Variants in PIEZO2 observed in about 807,000 individuals in gnomAD.
PIEZO2 encodes piezo type mechanosensitive ion channel component 2.
In PIEZO2, 172 loss-of-function variants were observed where a neutral mutation model predicts 337.3. The ratio of observed to expected loss-of-function variants is 0.51; its 90% CI spans 0.45 to 0.58. The LOEUF (loss-of-function observed/expected upper bound fraction) is 0.58. Ranked by LOEUF, PIEZO2 falls within the 20% of genes least tolerant of loss-of-function variation. The pLI is 0.00. For synonymous variants in PIEZO2, 1,251 were observed against 1,228.5 expected (o/e 1.02, Z -0.38); for missense variants, 3,028 against 3,391.3 (o/e 0.89, Z 2.66).
At position 10,814,266 on chromosome 18, in the gene PIEZO2, G is replaced by A. The variant is rs368222859; in HGVS notation, c.918-6992C>T. Among the ~76,000 whole-genome samples, 6 of 152,146 alleles carry A rather than the reference G, an allele frequency of 3.9e-5. No homozygotes were observed. The East Asian group carries it at 5.8e-4, about 15-fold the overall frequency. On this transcript the variant is annotated intron_variant, in intron 7 of 55. Transcript: ENST00000674853. Reference sequence around the variant, plus strand: ...TTACAGGCATGAGCCACCGTGCCCCGTCCCATACTTTTAATTTAAACTTCT... The same window carrying A: ...TTACAGGCATGAGCCACCGTGCCCCATCCCATACTTTTAATTTAAACTTCT...
Position 10,704,628 on chromosome 18 carries a change from T to C in PIEZO2, c.6024A>G (p.Glu2008=). ...GCCCCACGTAGAATTTCTCTGACTC[T>C]TCAAGCTCATCGTCGTGAAACATCC... ...LKKMFHDDEL[E]ESEKFYVGQP... is the part of the protein sequence containing the mutation. The change falls in exon 42 of 56, where the codon GAA becomes GAG. Residue 2008 remains glutamate (E), a synonymous_variant. Transcript: ENST00000674853. 1 of 1,536,914 alleles carries C rather than the reference T, an allele frequency of 6.5e-7. No homozygotes were observed. Among genetic ancestry groups the C allele is most frequent in the Non-Finnish European group, 8.7e-7 (1 of 1,146,586 alleles).
intron 7 of PIEZO2, among the ~76,000 whole-genome samples, chr18:10,822,938 T>C (rs188947742): frequency 1.5e-3 from 223 of 152,340 alleles, no homozygotes; most frequent in African/African-American, 5.1e-3. Context: ...CTCAGCTAGA[T>C]TGAAGTCTGT....
intron 17 of PIEZO2, among the ~76,000 whole-genome samples, chr18:10,782,258 ATT>A: frequency 1.0e-5 from 1 of 100,262 alleles, no homozygotes; most frequent in African/African-American, 3.8e-5. Flanking sequence ...GATATATTAT[ATT>A]ATTATATGTA....
rs545522741 is a variant in PIEZO2, at chr18:10,824,959, G to A, written c.918-17685C>T. Among the ~76,000 whole-genome samples the A allele has an allele frequency of 6.6e-6, 1 of 152,200 alleles. No homozygotes were observed. Among genetic ancestry groups the A allele is most frequent in the African/African-American group, 2.4e-5 (1 of 41,528 alleles). Reference sequence around the variant, plus strand: ...GCTCACTGCAACCTCCACTTCCTGGGTCCAAGTGATTCTCCTGCCTCAGCC... The same window carrying A: ...GCTCACTGCAACCTCCACTTCCTGGATCCAAGTGATTCTCCTGCCTCAGCC... On this transcript the variant is annotated intron_variant, in intron 7 of 55. Transcript: ENST00000674853. This position sits in a 1 kb window ranked among gnomAD's most constrained non-coding sequence, Gnocchi z 4.4.
At chr18:11,029,479 A>T (rs1203738773) in intron 2 of PIEZO2, among the ~76,000 whole-genome samples, 3 of 152,134 alleles carry the variant, frequency 2.0e-5, no homozygotes, top group Admixed American at 6.5e-5. Flanking sequence ...CAGACCCCTT[A>T]GGCGGCTCCC....
In PIEZO2 at chr18:10,859,311, C is replaced by T. The variant is rs977031657; in HGVS notation, c.493-2100G>A. 6.6e-6 allele frequency among the ~76,000 whole-genome samples: 1 copy of T among 152,198 alleles called. No individual in the cohort carries two copies. Among genetic ancestry groups the T allele is most frequent in the Non-Finnish European group, 1.5e-5 (1 of 68,040 alleles). ...TGGCCACTTCCGCTCCCCTAGAGAA[C>T]AATTCCCATCTCATTCTCAGAGGAT... On this transcript the variant is annotated intron_variant, in intron 5 of 55. Transcript: ENST00000674853. The surrounding 1 kb of genome is among the most constrained non-coding windows in gnomAD (Gnocchi z 4.9).
Position 10,854,024 on chromosome 18 carries a change from C to T in PIEZO2, c.917+1329G>A, listed in dbSNP as rs1185692152. Among the ~76,000 whole-genome samples, 2 of 152,198 alleles carry T rather than the reference C, an allele frequency of 1.3e-5. No homozygotes were observed. Among genetic ancestry groups the T allele is most frequent in the East Asian group, 3.8e-4 (2 of 5,196 alleles). On this transcript the variant is annotated intron_variant, in intron 7 of 55. Coordinates refer to ENST00000674853, the MANE Select transcript of PIEZO2 (RefSeq NM_001378183.1). The surrounding 1 kb of genome is among the most constrained non-coding windows in gnomAD (Gnocchi z 4.6). ...ATCTACTGTGCTCCTCTGAACTAGA[C>T]AGTTGCTGCCTCCACTCTCTATGCA... is the stretch of plus-strand genomic sequence containing the variant.
chr18:11,110,828 T>C lies in PIEZO2; in HGVS notation c.64+37697A>G, dbSNP rs557625861. On this transcript the variant is annotated intron_variant, in intron 1 of 55. Transcript: ENST00000674853. This position sits in a 1 kb window ranked among gnomAD's most constrained non-coding sequence, Gnocchi z 4.2. ...TATTGACCAGCACAGTGTTTTAAAC[T>C]TGAAGTATAGGATCAGGCTGGATTG... Among the ~76,000 whole-genome samples, 1 of 151,936 alleles carries C rather than the reference T, an allele frequency of 6.6e-6. No individual in the cohort carries two copies. The highest frequency in any genetic ancestry group is 6.6e-5 in the Admixed American group (1 of 15,266).
chr18:10,741,137 A>G (rs1176673852), intron 32 of PIEZO2, 35 bp from the exon 33 acceptor site: 2 of 1,497,608 alleles, frequency 1.3e-6, no homozygotes, highest in African/African-American at 2.8e-5. Flanking sequence ...TAATTCGTAT[A>G]AAGTGAGAAA....
rs1012181508 is a variant in PIEZO2 at position 11,094,313 on chromosome 18, G to A, written c.65-28091C>T. 1.3e-5 allele frequency among the ~76,000 whole-genome samples: 2 copies of A among 152,132 alleles called. No individual in the cohort carries two copies. Among genetic ancestry groups the A allele is most frequent in the African/African-American group, 4.8e-5 (2 of 41,410 alleles). Reference sequence around the variant, plus strand: ...TTATCATTGAAATTTTACAAATGGGGAAGCTGAGGCGAAGTGATTTTCTCA... The same window carrying A: ...TTATCATTGAAATTTTACAAATGGGAAAGCTGAGGCGAAGTGATTTTCTCA... On this transcript the variant is annotated intron_variant, in intron 1 of 55. Coordinates refer to ENST00000674853, the MANE Select transcript of PIEZO2 (RefSeq NM_001378183.1). The surrounding 1 kb of genome is among the most constrained non-coding windows in gnomAD (Gnocchi z 4.4).
In PIEZO2 at chr18:10,850,572, C is replaced by T. The variant is rs755233939; in HGVS notation, c.917+4781G>A. Among the ~76,000 whole-genome samples the T allele has an allele frequency of 1.3e-5, 2 of 152,150 alleles. No individual in the cohort carries two copies. Among genetic ancestry groups the T allele is most frequent in the Non-Finnish European group, 1.5e-5 (1 of 68,028 alleles). On this transcript the variant is annotated intron_variant, in intron 7 of 55. Coordinates refer to ENST00000674853, the MANE Select transcript of PIEZO2 (RefSeq NM_001378183.1). The surrounding 1 kb of genome is among the most constrained non-coding windows in gnomAD (Gnocchi z 4.5). ...GAGAACAAAAATGAGAAATCATCTA[C>T]GTGGTTAAAACTCAGGGGTTGACTA... is the stretch of plus-strand genomic sequence containing the variant.
rs952662044 is a variant in PIEZO2, at chr18:10,673,094, C to T, written c.8162-221G>A. On this transcript the variant is annotated intron_variant, in intron 54 of 55. Coordinates refer to ENST00000674853, the MANE Select transcript of PIEZO2 (RefSeq NM_001378183.1). This position sits in a 1 kb window ranked among gnomAD's most constrained non-coding sequence, Gnocchi z 4.8. ...CAGTGAGAGAGGTCAGCCGCTGTTG[C>T]TACATGGGCATGGCAGCAAAACCAC... Among the ~76,000 whole-genome samples the T allele has an allele frequency of 1.3e-5, 2 of 152,152 alleles. No individual in the cohort carries two copies. The highest frequency in any genetic ancestry group is 4.8e-5 in the African/African-American group (2 of 41,430).
chr18:10,784,905 T>C lies in PIEZO2; in HGVS notation c.2371A>G (p.Ile791Val), dbSNP rs1009280756. The stretch of plus-strand genomic sequence containing the variant: ...AGCAGAAAGGAGGTTGGGATGAATA[T>C]GCGAGTGAATAGTTCAGCCACAGTA... ...QFTVAELFTRIFIPTSFLLVC... is the reference protein window; with the variant it reads ...QFTVAELFTRVFIPTSFLLVC... Residue 791 changes from isoleucine (I) to valine (V), a missense_variant, in exon 17 of 56, where the codon ATA (isoleucine) becomes GTA (valine). Transcript: ENST00000674853. The surrounding 1 kb of genome is among the most constrained non-coding windows in gnomAD (Gnocchi z 4.5). The C allele has an allele frequency of 2.6e-6, 4 of 1,537,310 alleles. No homozygotes were observed. Among genetic ancestry groups the C allele is most frequent in the Middle Eastern group, 1.7e-4 (1 of 6,012 alleles).
chr18:10,888,835 C>T lies in PIEZO2; in HGVS notation c.330-17420G>A, dbSNP rs951617005. 3.3e-5 allele frequency among the ~76,000 whole-genome samples: 5 copies of T among 152,002 alleles called. No individual in the cohort carries two copies. The South Asian group carries it at 8.3e-4, about 25-fold the overall frequency. ...CACATCCAGCTGTCACTTCTGCAAC[C>T]CCCGAGACAGAGCCACTTTCTCATA... On this transcript the variant is annotated intron_variant, in intron 4 of 55. Coordinates refer to ENST00000674853, the MANE Select transcript of PIEZO2 (RefSeq NM_001378183.1). The surrounding 1 kb of genome is among the most constrained non-coding windows in gnomAD (Gnocchi z 4.1).
chr18:10,821,682 C>T lies in PIEZO2; in HGVS notation c.918-14408G>A, dbSNP rs983902785. ...AGTCAAGTATCACCCCCACCCACCA[C>T]CACCTTTTTCATCAAAGATTCTACC... On this transcript the variant is annotated intron_variant, in intron 7 of 55. Transcript: ENST00000674853. The surrounding 1 kb of genome is among the most constrained non-coding windows in gnomAD (Gnocchi z 4.2). Among the ~76,000 whole-genome samples the T allele has an allele frequency of 6.6e-6, 1 of 152,140 alleles. No individual in the cohort carries two copies. The highest frequency in any genetic ancestry group is 2.1e-4 in the South Asian group (1 of 4,828).
intron 2 of PIEZO2, among the ~76,000 whole-genome samples, chr18:11,044,996 T>A (rs565440386): frequency 8.6e-5 from 13 of 151,942 alleles, no homozygotes; most frequent in South Asian, 6.2e-4. Flanking sequence ...AAATTTTTTT[T>A]AAAAGAAAAC....
chr18:10,979,147 TATA>T lies in PIEZO2; in HGVS notation c.286+385_286+387del, dbSNP rs2034564833. 1.3e-5 allele frequency among the ~76,000 whole-genome samples: 2 copies of T among 152,100 alleles called. No homozygotes were observed. Among genetic ancestry groups the T allele is most frequent in the African/African-American group, 4.8e-5 (2 of 41,450 alleles). On this transcript the variant is annotated intron_variant, in intron 3 of 55. Transcript: ENST00000674853. This position sits in a 1 kb window ranked among gnomAD's most constrained non-coding sequence, Gnocchi z 4.0. ...TTAATGTCATAGTCATGTAATTTCATATAATATTATTCAACTTTTATATTCTAT... is the reference window on the plus strand; with the variant it reads ...TTAATGTCATAGTCATGTAATTTCATATATTATTCAACTTTTATATTCTAT...
chr18:10,982,607 T>C lies in PIEZO2; in HGVS notation c.161-2947A>G, dbSNP rs990750155. Among the ~76,000 whole-genome samples the C allele has an allele frequency of 1.3e-5, 2 of 152,236 alleles. No homozygotes were observed. Among genetic ancestry groups the C allele is most frequent in the African/African-American group, 4.8e-5 (2 of 41,468 alleles). Reference sequence around the variant, plus strand: ...TCAACAAACATTTTAAAAATACATTTGGAAAAATAAGACTGAATTGCCATG... The same window carrying C: ...TCAACAAACATTTTAAAAATACATTCGGAAAAATAAGACTGAATTGCCATG... On this transcript the variant is annotated intron_variant, in intron 2 of 55. Coordinates refer to ENST00000674853, the MANE Select transcript of PIEZO2 (RefSeq NM_001378183.1). This position sits in a 1 kb window ranked among gnomAD's most constrained non-coding sequence, Gnocchi z 4.1.
intron 38 of PIEZO2, among the ~76,000 whole-genome samples, chr18:10,715,258 T>G (rs76015211): frequency 0.039 from 5,983 of 152,324 alleles, 197 homozygotes; most frequent in Admixed American, 0.1. Flanking sequence ...ATAAAAAAGT[T>G]TTAGATCAAA....
Sources: allele counts gnomAD v4.1 joint callset (sites outside exome capture counted in the v4.1 genomes callset), GRCh38; gene constraint gnomAD v4.1.1; non-coding constraint Gnocchi (gnomAD v3.1); transcripts MANE v1.5; gene names NCBI Gene and HGNC (gene_info 2026-07-23, HGNC 2026-07-21).